CHCHD3: variants seen among roughly 807,000 people sequenced by gnomAD.
The protein encoded by CHCHD3 is MICOS complex subunit MIC19.
A neutral mutation model predicts 38.2 loss-of-function variants in CHCHD3; 20 were observed. The observed-to-expected ratio is 0.52, with a 90% CI of 0.37 to 0.76. CHCHD3 has a LOEUF of 0.76. Among genes scored for constraint, CHCHD3 ranks in the 30% least tolerant of loss-of-function variants. CHCHD3 has a pLI of 0.00. For synonymous variants in CHCHD3, 82 were observed against 100.0 expected (o/e 0.82, Z 1.07); for missense variants, 245 against 279.2 (o/e 0.88, Z 0.87).
At chr7:132,794,979 A>G (rs1177421892) in intron 7 of CHCHD3, among the ~76,000 whole-genome samples, 1 of 152,230 alleles carries the variant, frequency 6.6e-6, no homozygotes, top group Non-Finnish European at 1.5e-5. Context: ...GCTTTATCCT[A>G]TAAATATATA....
In CHCHD3 at chr7:133,013,185, CAAAAAA is replaced by C. The variant is rs778964079; in HGVS notation, c.251+11355_251+11360del. On this transcript the variant is annotated intron_variant, in intron 3 of 7. Coordinates refer to ENST00000262570, the MANE Select transcript of CHCHD3 (RefSeq NM_017812.4). ...TGGGCAACAGAGCAAGACTCCGCCTCAAAAAAAAAAAAAAAAAAAAACATTCAGACA... is the reference window on the plus strand; with the variant it reads ...TGGGCAACAGAGCAAGACTCCGCCTCAAAAAAAAAAAAAAACATTCAGACA... Among the ~76,000 whole-genome samples, 2 of 18,420 alleles carry C rather than the reference CAAAAAA, an allele frequency of 1.1e-4. 1 individual carries two copies. The highest frequency in any genetic ancestry group is 0.043 in the Middle Eastern group (2 of 46). 12.1% of individuals were successfully genotyped at this position (18,420 alleles called of 152,430 possible).
intron 3 of CHCHD3, among the ~76,000 whole-genome samples, chr7:132,989,550 T>G (rs1372101057): frequency 6.6e-6 from 1 of 152,198 alleles, no homozygotes; most frequent in Non-Finnish European, 1.5e-5. Flanking sequence ...AAAGTCCCTA[T>G]TTCAGTTCTC....
chr7:132,813,155 C>T (rs1027866939), intron 6 of CHCHD3, among the ~76,000 whole-genome samples: 3 of 152,226 alleles, frequency 2.0e-5, no homozygotes, highest in African/African-American at 7.2e-5. Flanking sequence ...ACCTTTCCCC[C>T]TGAGAAGCCA....
chr7:132,858,342 C>T (rs1389632071), intron 5 of CHCHD3, among the ~76,000 whole-genome samples: 3 of 152,212 alleles, frequency 2.0e-5, no homozygotes, highest in South Asian at 2.1e-4. Flanking sequence ...GGATTACAGG[C>T]ATGAGCACCT....
intron 6 of CHCHD3, among the ~76,000 whole-genome samples, chr7:132,835,797 G>T (rs1330165700): frequency 2.6e-5 from 4 of 152,208 alleles, no homozygotes; most frequent in African/African-American, 9.6e-5. Flanking sequence ...TATTTGGGGT[G>T]AGGGTCTTTG....
intron 3 of CHCHD3, among the ~76,000 whole-genome samples, chr7:133,019,170 A>G (rs1813113335): frequency 6.6e-6 from 1 of 152,108 alleles, no homozygotes; most frequent in African/African-American, 2.4e-5. Flanking sequence ...GGCATGAGCC[A>G]CCAGGCCCAG....
At chr7:133,029,759 A>G (rs556661129) in intron 2 of CHCHD3, among the ~76,000 whole-genome samples, 30 of 152,242 alleles carry the variant, frequency 2.0e-4, no homozygotes, top group African/African-American at 7.0e-4. Flanking sequence ...TCTCCCTACT[A>G]TCATCAGCCC....
intron 5 of CHCHD3, among the ~76,000 whole-genome samples, chr7:132,865,383 C>T: frequency 6.6e-6 from 1 of 152,110 alleles, no homozygotes; most frequent in East Asian, 1.9e-4. Flanking sequence ...GAGAATTCAC[C>T]CCAAGGTGGT....
At chr7:132,985,544 A>T (rs1812085019) in intron 3 of CHCHD3, among the ~76,000 whole-genome samples, 1 of 82,308 alleles carries the variant, frequency 1.2e-5, no homozygotes, top group Non-Finnish European at 2.5e-5. Flanking sequence ...CCCGTCCAGG[A>T]GGGAGGTGGG....
intron 5 of CHCHD3, among the ~76,000 whole-genome samples, chr7:132,853,430 G>A (rs1808267159): frequency 6.6e-6 from 1 of 152,074 alleles, no homozygotes; most frequent in Non-Finnish European, 1.5e-5. Context: ...AGACCATCCT[G>A]GCCAACATGG....
At position 132,973,936 on chromosome 7, in the gene CHCHD3, G is replaced by A. The variant is rs546021765; in HGVS notation, c.369+1233C>T. Reference sequence around the variant, plus strand: ...TGCTCCAATGAGGACTAAAGGTTCCGAGGAGTAACATCTGGGTTTCTAGGA... The same window carrying A: ...TGCTCCAATGAGGACTAAAGGTTCCAAGGAGTAACATCTGGGTTTCTAGGA... On this transcript the variant is annotated intron_variant, in intron 4 of 7. Transcript: ENST00000262570. 2.6e-5 allele frequency: 33 copies of A among 1,278,392 alleles called. No homozygotes were observed. The Middle Eastern group carries it at 1.3e-3, about 50-fold the overall frequency. The allele number at this position is 1,278,392 out of a possible 1,614,324, so 79.2% of individuals were successfully genotyped here.
chr7:132,852,816 C>T (rs936692479), intron 5 of CHCHD3, among the ~76,000 whole-genome samples: 1 of 152,140 alleles, frequency 6.6e-6, no homozygotes, highest in African/African-American at 2.4e-5. Flanking sequence ...TGCCTTCCTC[C>T]CACTTTTGCC....
At chr7:133,014,123 T>G (rs967181859) in intron 3 of CHCHD3, among the ~76,000 whole-genome samples, 2 of 152,138 alleles carry the variant, frequency 1.3e-5, no homozygotes, top group African/African-American at 4.8e-5. Flanking sequence ...CCCTGTAATT[T>G]ACGGATTTTT....
At chr7:133,003,233 TC>T (rs35875120) in intron 3 of CHCHD3, among the ~76,000 whole-genome samples, 67,538 of 151,956 alleles carry the variant, frequency 0.44, 15,274 homozygotes, top group East Asian at 0.55. Context: ...AATGTGAAAC[TC>T]CCACTATTGC....
chr7:132,866,421 A>G (rs1264502924), intron 5 of CHCHD3, among the ~76,000 whole-genome samples: 2 of 152,234 alleles, frequency 1.3e-5, no homozygotes, highest in Non-Finnish European at 2.9e-5. Context: ...TAAGTAACTC[A>G]GCATTGCAGT....
chr7:133,054,990 A>G (rs1699043821), intron 2 of CHCHD3, among the ~76,000 whole-genome samples: 1 of 152,082 alleles, frequency 6.6e-6, no homozygotes. Context: ...CTTAATGTAT[A>G]GTAAAGGTGC....
chr7:132,901,741 A>T (rs1809674712), intron 4 of CHCHD3, among the ~76,000 whole-genome samples: 1 of 152,166 alleles, frequency 6.6e-6, no homozygotes, highest in African/African-American at 2.4e-5. Flanking sequence ...GTAGATTGCA[A>T]AAATTTTCTC....
intron 4 of CHCHD3, among the ~76,000 whole-genome samples, chr7:132,962,033 C>G (rs1382586310): frequency 1.3e-5 from 2 of 152,202 alleles, no homozygotes; most frequent in Non-Finnish European, 2.9e-5. Context: ...CCCATGCTCC[C>G]ATTTCCAAGA....
At chr7:132,911,718 T>C (rs889008997) in intron 4 of CHCHD3, among the ~76,000 whole-genome samples, 13 of 152,248 alleles carry the variant, frequency 8.5e-5, no homozygotes, top group African/African-American at 2.4e-4. Flanking sequence ...GATGGCTTCA[T>C]AGCAACTGCC....
Sources: allele counts gnomAD v4.1 joint callset (sites outside exome capture counted in the v4.1 genomes callset), GRCh38; gene constraint gnomAD v4.1.1; transcripts MANE v1.5; gene names NCBI Gene and HGNC (gene_info 2026-07-23, HGNC 2026-07-21).